KLHDC1: variants seen among roughly 807,000 people sequenced by gnomAD.
KLHDC1 encodes kelch domain-containing protein 1.
A neutral mutation model predicts 68.3 loss-of-function variants in KLHDC1; 53 were observed. The ratio of observed to expected loss-of-function variants is 0.78; its 90% CI spans 0.62 to 0.98. The LOEUF is 0.98. KLHDC1 is among the 50% of genes least tolerant of loss of function. KLHDC1 has a pLI of 0.00. For missense variants in KLHDC1, 470 were observed against 492.3 expected (o/e 0.95, Z 0.43); for synonymous variants, 148 against 159.0 (o/e 0.93, Z 0.52).
intron 10 of KLHDC1, among the ~76,000 whole-genome samples, chr14:49,737,771 G>A (rs1422497399): frequency 4.0e-5 from 6 of 150,638 alleles, no homozygotes; most frequent in African/African-American, 1.5e-4. Context: ...AGGCTGAGGT[G>A]GGAGGATCAC....
intron 8 of KLHDC1, 129 bp downstream of exon 8, chr14:49,729,677 G>C: frequency 1.7e-6 from 1 of 593,598 alleles, no homozygotes; most frequent in Non-Finnish European, 3.0e-6. Flanking sequence ...GTCTAAGCAA[G>C]GACTATATAG....
intron 1 of KLHDC1, among the ~76,000 whole-genome samples, chr14:49,704,291 T>C (rs1267377611): frequency 2.0e-5 from 3 of 152,180 alleles, no homozygotes; most frequent in African/African-American, 7.2e-5. Context: ...TTATTTGCTT[T>C]TTTTAACTAA....
chr14:49,725,835 T>G (rs1024688326), intron 6 of KLHDC1, 66 bp downstream of exon 6: 1 of 862,978 alleles, frequency 1.2e-6, no homozygotes, highest in Non-Finnish European at 1.8e-6. Context: ...CTGTGGATTT[T>G]GGGTTTTTTT....
intron 12 of KLHDC1, among the ~76,000 whole-genome samples, chr14:49,750,129 T>C (rs1889290422): frequency 6.6e-6 from 1 of 152,208 alleles, no homozygotes; most frequent in Non-Finnish European, 1.5e-5. Context: ...ACATGTTGTA[T>C]TGTGATGATT....
chr14:49,744,171 A>G (rs545008529), intron 12 of KLHDC1, among the ~76,000 whole-genome samples: 3 of 151,184 alleles, frequency 2.0e-5, no homozygotes, highest in East Asian at 1.9e-4. Flanking sequence ...AGTCTTGGCT[A>G]CTGTGGCTAC....
intron 6 of KLHDC1, among the ~76,000 whole-genome samples, chr14:49,727,113 C>T (rs142166772): frequency 5.3e-5 from 8 of 152,028 alleles, no homozygotes; most frequent in East Asian, 1.9e-4. Context: ...CTGGGCGTGG[C>T]GGCATGCGCC....
intron 4 of KLHDC1, among the ~76,000 whole-genome samples, chr14:49,712,399 C>G (rs752741514): frequency 1.3e-5 from 2 of 151,942 alleles, no homozygotes; most frequent in Non-Finnish European, 2.9e-5. Context: ...TCTACACCTT[C>G]TATTTTCTGT....
At chr14:49,739,242 C>A (rs1380159837) in intron 10 of KLHDC1, among the ~76,000 whole-genome samples, 1 of 152,060 alleles carries the variant, frequency 6.6e-6, no homozygotes, top group Non-Finnish European at 1.5e-5. Context: ...AAGCTTTTCT[C>A]ATAGGGGAAG....
At chr14:49,732,662 G>C (rs1888840322) in intron 8 of KLHDC1, 42 bp from the exon 9 acceptor site, 4 of 1,008,484 alleles carry the variant, frequency 4.0e-6, no homozygotes, top group Non-Finnish European at 4.5e-6. Flanking sequence ...CTTTTATTTT[G>C]ATTAATATAG....
chr14:49,749,418 A>C (rs925163446), intron 12 of KLHDC1, among the ~76,000 whole-genome samples: 1 of 152,146 alleles, frequency 6.6e-6, no homozygotes, highest in Non-Finnish European at 1.5e-5. Context: ...CTGTAATCCC[A>C]GCACTTTGGG....
chr14:49,731,149 G>T (rs777028998), intron 8 of KLHDC1, among the ~76,000 whole-genome samples: 1 of 151,994 alleles, frequency 6.6e-6, no homozygotes, highest in African/African-American at 2.4e-5. Flanking sequence ...GTGTATTGGC[G>T]CATGCTTGTA....
chr14:49,749,722 A>C (rs181757240), intron 12 of KLHDC1, among the ~76,000 whole-genome samples: 1 of 151,138 alleles, frequency 6.6e-6, no homozygotes, highest in Non-Finnish European at 1.5e-5. Flanking sequence ...TAACTAGTCT[A>C]TTATATTTAG....
intron 12 of KLHDC1, among the ~76,000 whole-genome samples, chr14:49,747,533 G>T (rs1306174298): frequency 6.6e-6 from 1 of 152,126 alleles, no homozygotes; most frequent in Non-Finnish European, 1.5e-5. Context: ...ACTGGAGAAA[G>T]GATTCTTTTC....
intron 1 of KLHDC1, among the ~76,000 whole-genome samples, chr14:49,703,139 G>T (rs1467311589): frequency 6.6e-6 from 1 of 151,880 alleles, no homozygotes; most frequent in Non-Finnish European, 1.5e-5. Context: ...TTACTTTCCA[G>T]ATTAAGAAAT....
Position 49,740,186 on chromosome 14 carries a change from A to G in KLHDC1, c.981+4A>G, listed in dbSNP as rs760410905. The stretch of plus-strand genomic sequence containing the variant: ...TGACTTACTTGCCTTGGATACAGTA[A>G]GAAAATCTTATATCTAAATATTTCC... On this transcript the variant is annotated splice_donor_region_variant and intron_variant, in intron 11 of 12. Transcript: ENST00000359332. The G allele has an allele frequency of 2.0e-6, 3 of 1,529,124 alleles. No homozygotes were observed. The highest frequency in any genetic ancestry group is 2.7e-6 in the Non-Finnish European group (3 of 1,106,880). The allele number at this position is 1,529,124 out of a possible 1,614,324, so 94.7% of individuals were successfully genotyped here.
At chr14:49,719,614 T>C (rs1888475031) in intron 4 of KLHDC1, among the ~76,000 whole-genome samples, 1 of 151,656 alleles carries the variant, frequency 6.6e-6, no homozygotes, top group Non-Finnish European at 1.5e-5. Context: ...TATTTTTTAT[T>C]TTTTGTAGAG....
chr14:49,697,407 T>A (rs1033428522), intron 1 of KLHDC1, among the ~76,000 whole-genome samples: 2 of 152,142 alleles, frequency 1.3e-5, no homozygotes, highest in African/African-American at 4.8e-5. Flanking sequence ...CAGTAATATA[T>A]CAAAGATCAT....
Position 49,740,122 on chromosome 14 carries a change from A to G in KLHDC1, c.921A>G (p.Gly307=). The part of the protein sequence containing the change: ...RPRLWHTACL[G]KENEIMVFGG... ...GGTTATGGCACACAGCCTGTTTGGG[A>G]AAAGAAAATGAAATAATGGTATTTG... The change falls in exon 11 of 13, where the codon GGA becomes GGG. Residue 307 remains glycine, a synonymous_variant. Transcript: ENST00000359332. 2 of 1,611,670 alleles carry G rather than the reference A, an allele frequency of 1.2e-6. No homozygotes were observed. The highest frequency in any genetic ancestry group is 1.3e-5 in the African/African-American group (1 of 74,960).
chr14:49,695,488 A>G (rs1286781683), intron 1 of KLHDC1, among the ~76,000 whole-genome samples: 2 of 152,212 alleles, frequency 1.3e-5, no homozygotes, highest in South Asian at 2.1e-4. Context: ...GTTCTCAACA[A>G]TAAACTACTC....
Sources: allele counts gnomAD v4.1 joint callset (sites outside exome capture counted in the v4.1 genomes callset), GRCh38; gene constraint gnomAD v4.1.1; transcripts MANE v1.5; gene names NCBI Gene and HGNC (gene_info 2026-07-23, HGNC 2026-07-21).